Variants in CSMD1 observed in about 807,000 individuals in gnomAD.
CSMD1 encodes the protein CUB and Sushi multiple domains 1.
In CSMD1, 213 loss-of-function variants were observed where a neutral mutation model predicts 417.5. The ratio of observed to expected loss-of-function variants is 0.51; its 90% CI spans 0.46 to 0.57. CSMD1 has a LOEUF of 0.57. Among genes scored for constraint, CSMD1 ranks in the 20% least tolerant of loss-of-function variants. The pLI is 0.00. For synonymous variants in CSMD1, 2,862 were observed against 1,736.8 expected, an observed-to-expected ratio of 1.65 and a Z score of -16.11; for missense variants, 6,923 against 4,529.7, an observed-to-expected ratio of 1.53 and a Z score of -15.17.
chr8:3,954,637 C>G (rs181156348), intron 5 of CSMD1, among the ~76,000 whole-genome samples: 6 of 152,372 alleles, frequency 3.9e-5, no homozygotes, highest in African/African-American at 1.4e-4. Flanking sequence ...TTTGGGATTA[C>G]AGGCGTGAGC....
At chr8:4,101,556 G>C (rs1403136624) in intron 3 of CSMD1, among the ~76,000 whole-genome samples, 1 of 152,162 alleles carries the variant, frequency 6.6e-6, no homozygotes, top group African/African-American at 2.4e-5. Context: ...TGGATGTGTA[G>C]GAAGTTTCTT....
intron 26 of CSMD1, among the ~76,000 whole-genome samples, chr8:3,256,067 C>T (rs535481147): frequency 6.6e-6 from 1 of 152,106 alleles, no homozygotes; most frequent in Admixed American, 6.6e-5. Flanking sequence ...GTGGCTCACA[C>T]CTGTAATCCC....
chr8:4,023,471 G>A (rs950219934), intron 4 of CSMD1, among the ~76,000 whole-genome samples: 2 of 152,154 alleles, frequency 1.3e-5, no homozygotes, highest in African/African-American at 2.4e-5. Flanking sequence ...TAGCATTAGG[G>A]ATTGCAATGT....
chr8:4,765,689 T>G (rs985516993), intron 1 of CSMD1, among the ~76,000 whole-genome samples: 3 of 151,988 alleles, frequency 2.0e-5, no homozygotes, highest in Non-Finnish European at 2.9e-5. Context: ...AACGAAGGAG[T>G]GGCTAATTCA....
chr8:3,093,269 A>G (rs900138830), intron 47 of CSMD1, among the ~76,000 whole-genome samples: 1 of 152,198 alleles, frequency 6.6e-6, no homozygotes, highest in Middle Eastern at 3.2e-3. Context: ...GCACGCCCTG[A>G]GTGGGGGCCA....
At chr8:3,421,354 C>T (rs541247647) in intron 12 of CSMD1, among the ~76,000 whole-genome samples, 2 of 152,292 alleles carry the variant, frequency 1.3e-5, no homozygotes, top group South Asian at 2.1e-4. Flanking sequence ...GAGGGAGCCA[C>T]ACATTGAATG....
chr8:3,445,128 A>G (rs1043072924), intron 12 of CSMD1, among the ~76,000 whole-genome samples: 5 of 152,204 alleles, frequency 3.3e-5, no homozygotes, highest in Non-Finnish European at 7.3e-5. Flanking sequence ...CATATAAACT[A>G]ATATACTTAC....
chr8:4,934,117 G>C (rs12681182), intron 1 of CSMD1, among the ~76,000 whole-genome samples: 1 of 152,004 alleles, frequency 6.6e-6, no homozygotes, highest in African/African-American at 2.4e-5. Flanking sequence ...ACCAGGGAGA[G>C]ACCTTTGACA....
intron 4 of CSMD1, among the ~76,000 whole-genome samples, chr8:4,007,549 C>T (rs1317263708): frequency 6.6e-6 from 1 of 152,240 alleles, no homozygotes; most frequent in Non-Finnish European, 1.5e-5. Flanking sequence ...CCCACCTCTC[C>T]ATCCTGTATG....
intron 17 of CSMD1, among the ~76,000 whole-genome samples, chr8:3,389,380 T>C (rs1011234789): frequency 6.6e-6 from 1 of 152,150 alleles, no homozygotes; most frequent in Admixed American, 6.5e-5. Flanking sequence ...TGGTTGCCTG[T>C]TGCTGCATTA....
intron 1 of CSMD1, among the ~76,000 whole-genome samples, chr8:4,743,653 C>A (rs1331703818): frequency 6.6e-6 from 1 of 152,140 alleles, no homozygotes; most frequent in Non-Finnish European, 1.5e-5. Context: ...ACACCTTAAT[C>A]ATTTGTGAGT....
chr8:4,096,390 T>C (rs1452374468), intron 3 of CSMD1, among the ~76,000 whole-genome samples: 1 of 152,104 alleles, frequency 6.6e-6, no homozygotes, highest in African/African-American at 2.4e-5. Flanking sequence ...TGGATGCCTA[T>C]GGCTCTAATC....
chr8:3,046,237 G>T (rs1007232149), intron 50 of CSMD1, among the ~76,000 whole-genome samples: 6 of 152,280 alleles, frequency 3.9e-5, no homozygotes, highest in South Asian at 2.1e-4. Context: ...CAGGCGCTCA[G>T]GTGGTGACCT....
At chr8:3,695,047 A>T (rs1363633756) in intron 7 of CSMD1, among the ~76,000 whole-genome samples, 8 of 151,022 alleles carry the variant, frequency 5.3e-5, no homozygotes, top group African/African-American at 1.9e-4. Flanking sequence ...AGAAAAAGTC[A>T]CGTGGAAGAA....
chr8:3,869,601 G>C (rs895428324), intron 5 of CSMD1, among the ~76,000 whole-genome samples: 3 of 152,144 alleles, frequency 2.0e-5, no homozygotes, highest in Non-Finnish European at 2.9e-5. Context: ...TAAATAGTGA[G>C]AGAAAACATG....
chr8:4,089,761 G>T (rs1163699412), intron 3 of CSMD1, among the ~76,000 whole-genome samples: 5 of 152,048 alleles, frequency 3.3e-5, no homozygotes, highest in African/African-American at 4.8e-5. Flanking sequence ...TTAGTTTGGG[G>T]GTATTTTTGT....
chr8:3,484,909 G>C (rs1301376432), intron 11 of CSMD1, among the ~76,000 whole-genome samples: 1 of 152,158 alleles, frequency 6.6e-6, no homozygotes, highest in Non-Finnish European at 1.5e-5. Context: ...AGAAAAAGTG[G>C]TGATAAAACC....
At chr8:4,155,458 T>C (rs2131071614) in intron 3 of CSMD1, among the ~76,000 whole-genome samples, 1 of 152,328 alleles carries the variant, frequency 6.6e-6, no homozygotes, top group East Asian at 1.9e-4. Flanking sequence ...AATGAAAATA[T>C]GGTAAGTATG....
chr8:4,939,621 G>A (rs527957567), intron 1 of CSMD1, among the ~76,000 whole-genome samples: 6 of 152,186 alleles, frequency 3.9e-5, no homozygotes, highest in African/African-American at 1.4e-4. Flanking sequence ...AGAGTAGAAC[G>A]GCCATTAACA....
Sources: allele counts gnomAD v4.1 joint callset (sites outside exome capture counted in the v4.1 genomes callset), GRCh38; gene constraint gnomAD v4.1.1; transcripts MANE v1.5; gene names NCBI Gene and HGNC (gene_info 2026-07-23, HGNC 2026-07-21).